The following TANC1 variants were observed in gnomAD, a reference collection of about 807,000 sequenced individuals.
TANC1 encodes the protein tetratricopeptide repeat, ankyrin repeat and coiled-coil containing 1.
In TANC1, 77 loss-of-function variants were observed where a neutral mutation model predicts 149.7. The observed-to-expected ratio is 0.51, with a 90% CI of 0.43 to 0.62. The LOEUF (loss-of-function observed/expected upper bound fraction) is 0.62, where lower values mean the gene tolerates loss of function less well. TANC1 is among the 20% of genes least tolerant of loss of function. TANC1 has a pLI of 0.00. For missense variants in TANC1, 1,985 were observed against 2,321.8 expected (o/e 0.85, Z 2.98); for synonymous variants, 854 against 925.0 (o/e 0.92, Z 1.39).
intron 2 of TANC1, among the ~76,000 whole-genome samples, chr2:159,050,057 C>T (rs982795510): frequency 1.3e-5 from 2 of 152,116 alleles, no homozygotes; most frequent in African/African-American, 2.4e-5. Flanking sequence ...CTTGGGAGTG[C>T]AGCATTTGTT....
intron 1 of TANC1, among the ~76,000 whole-genome samples, chr2:158,977,309 T>TA (rs1165275235): frequency 1.3e-5 from 2 of 151,526 alleles, no homozygotes; most frequent in African/African-American, 2.4e-5. Context: ...CTGGCTTAAT[T>TA]AAAAAAAAAT....
Position 159,150,544 on chromosome 2 carries a change from A to AGG in TANC1, c.671_672insGG (p.Ser224ArgfsTer5). 3 of 1,613,706 alleles carry AGG rather than the reference A, an allele frequency of 1.9e-6. No individual in the cohort carries two copies. Among genetic ancestry groups the AGG allele is most frequent in the Non-Finnish European group, 1.7e-6 (2 of 1,179,606 alleles). On this transcript the variant is annotated frameshift_variant, in exon 7 of 27. Transcript: ENST00000263635. LOFTEE classifies it high-confidence loss of function. ...TAGTTCCACCCTGGAAAGCAAGGAC[A>AGG]GTGGAATTATAGGTAAGAAGCACAC...
intron 19 of TANC1, among the ~76,000 whole-genome samples, chr2:159,216,118 A>G (rs1033482640): frequency 6.6e-6 from 1 of 152,064 alleles, no homozygotes; most frequent in Admixed American, 6.5e-5. Flanking sequence ...GCAGGGTGCA[A>G]GCTTTCCTGT....
chr2:159,225,606 C>T, intron 23 of TANC1, 82 bp from the exon 24 acceptor site: 1 of 1,115,818 alleles, frequency 9.0e-7, no homozygotes, highest in Non-Finnish European at 1.4e-6. Context: ...TGGTGCTGAC[C>T]TCCAGCCGTG....
rs1283407053 is a variant in TANC1 at position 159,041,307 on chromosome 2, T to C, written c.-15-24589T>C. Among the ~76,000 whole-genome samples the C allele has an allele frequency of 2.0e-5, 3 of 152,148 alleles. No homozygotes were observed. The East Asian group carries it at 5.8e-4, about 29-fold the overall frequency. ...AACACTGTACTGGGAGAACCACTGCTCTCTTCAGAGCTGTCAGACAGGGAC... is the reference window on the plus strand; with the variant it reads ...AACACTGTACTGGGAGAACCACTGCCCTCTTCAGAGCTGTCAGACAGGGAC... On this transcript the variant is annotated intron_variant, in intron 2 of 26. Transcript: ENST00000263635.
chr2:159,144,821 G>A (rs537025082), intron 5 of TANC1, among the ~76,000 whole-genome samples: 1 of 152,304 alleles, frequency 6.6e-6, no homozygotes, highest in South Asian at 2.1e-4. Flanking sequence ...AAGAGGATAA[G>A]TGAGAAGCAG....
intron 23 of TANC1, 81 bp downstream of exon 23, chr2:159,224,445 T>C (rs1284706761): frequency 6.6e-7 from 1 of 1,521,296 alleles, no homozygotes; most frequent in East Asian, 2.3e-5. Context: ...GAGAGTGACC[T>C]GCTCCCAGGT....
chr2:158,984,655 T>C (rs1201383111), intron 1 of TANC1, among the ~76,000 whole-genome samples: 1 of 151,772 alleles, frequency 6.6e-6, no homozygotes, highest in African/African-American at 2.4e-5. Context: ...TGCAAGGTGT[T>C]AGGGAGTGCA....
Position 159,149,243 on chromosome 2 carries a change from A to G in TANC1, c.466A>G (p.Ile156Val), listed in dbSNP as rs190424456. ...AGAAGGGATCCCAAGTGCCACACAC[A>G]TAACCATTGAAGACAAAAATGAAAC... ...LGEGIPSATH[I>V]TIEDKNETMC... The change falls in exon 6 of 27, where the codon ATA becomes GTA. Residue 156 changes from isoleucine (I) to valine (V), a missense_variant. This residue lies in a region of TANC1 where 557 missense variants were observed against 612.9 expected (regional missense o/e 0.91). Coordinates refer to ENST00000263635, the MANE Select transcript of TANC1 (RefSeq NM_033394.3). 74 of 1,614,238 alleles carry G rather than the reference A, an allele frequency of 4.6e-5. No homozygotes were observed. In the African/African-American group the frequency reaches 8.5e-4, roughly 19 times the overall value.
intron 8 of TANC1, among the ~76,000 whole-genome samples, chr2:159,165,887 T>A (rs2054555033): frequency 6.6e-6 from 1 of 152,254 alleles, no homozygotes; most frequent in South Asian, 2.1e-4. Context: ...CAGAAGTTCT[T>A]CCTAAGGTCC....
chr2:159,062,992 A>AAAAAAAAAAAAAAAAAAG (rs1559188236), intron 2 of TANC1, among the ~76,000 whole-genome samples: 2 of 147,414 alleles, frequency 1.4e-5, no homozygotes, highest in African/African-American at 2.5e-5. Flanking sequence ...AAAAAAAAAA[A>AAAAAAAAAAAAAAAAAAG]AAAGAAAGCA....
rs373966850 is a variant in TANC1, at chr2:159,163,508, C to T, written c.908C>T (p.Ser303Phe). 9 of 1,613,212 alleles carry T rather than the reference C, an allele frequency of 5.6e-6. No individual in the cohort carries two copies. The highest frequency in any genetic ancestry group is 5.3e-5 in the African/African-American group (4 of 75,024). Residue 303 changes from serine (S) to phenylalanine (F), a missense_variant, in exon 8 of 27, where the codon TCC (serine) becomes TTC (phenylalanine). By Grantham distance (155) the Ser-to-Phe change is radical (BLOSUM62 -2). Coordinates refer to ENST00000263635, the MANE Select transcript of TANC1 (RefSeq NM_033394.3). ...GGTCCAGTCCCTTATTCTCAGGGCT[C>T]CAGCTCACTAATAATGCCACGGCCC... is the stretch of plus-strand genomic sequence containing the variant. ...GDGPVPYSQG[S>F]SSLIMPRPNS... is the part of the protein sequence containing the mutation.
intron 13 of TANC1, 103 bp from the exon 14 acceptor site, chr2:159,178,453 A>C: frequency 7.3e-7 from 1 of 1,373,246 alleles, no homozygotes; most frequent in Non-Finnish European, 9.9e-7. Flanking sequence ...AATCCATGAA[A>C]ATCCTCCTTG....
intron 3 of TANC1, among the ~76,000 whole-genome samples, chr2:159,077,699 A>T (rs1047150792): frequency 6.6e-6 from 1 of 152,298 alleles, no homozygotes; most frequent in African/African-American, 2.4e-5. Flanking sequence ...TTGGGTAGTT[A>T]TAATTTATCT....
intron 4 of TANC1, among the ~76,000 whole-genome samples, chr2:159,129,246 C>T (rs190287355): frequency 6.6e-6 from 1 of 152,168 alleles, no homozygotes. Flanking sequence ...TAATCCCTGC[C>T]CTTCTCCCTT....
At position 159,185,812 on chromosome 2, in the gene TANC1, A is replaced by G; in HGVS notation, c.2532A>G (p.Ala844=). The G allele has an allele frequency of 6.2e-7, 1 of 1,614,084 alleles. No homozygotes were observed. Among genetic ancestry groups the G allele is most frequent in the Non-Finnish European group, 8.5e-7 (1 of 1,179,994 alleles). ...CTAGGAACGGGCACGCGCTCTTGGC[A>G]TTCATGTTCTCGCGTCAGGAGGGCA... is the stretch of plus-strand genomic sequence containing the variant. ...CEPRNGHALL[A]FMFSRQEGKL... The change falls in exon 15 of 27, where the codon GCA becomes GCG. Residue 844 remains alanine, a synonymous_variant. Coordinates refer to ENST00000263635, the MANE Select transcript of TANC1 (RefSeq NM_033394.3).
chr2:159,139,932 G>A (rs1235302013), intron 5 of TANC1, among the ~76,000 whole-genome samples: 2 of 152,088 alleles, frequency 1.3e-5, no homozygotes, highest in African/African-American at 4.8e-5. Context: ...GAGGTATAAA[G>A]CATAAAGGGG....
intron 1 of TANC1, among the ~76,000 whole-genome samples, chr2:158,987,057 T>A (rs1309729076): frequency 1.4e-4 from 20 of 141,976 alleles, no homozygotes; most frequent in African/African-American, 4.4e-4. Flanking sequence ...AAAAAAAAAA[T>A]ACAAAAATTG....
Position 159,188,625 on chromosome 2 carries a change from C to T in TANC1, c.2742+1601C>T, listed in dbSNP as rs113826881. 2.6e-5 allele frequency among the ~76,000 whole-genome samples: 4 copies of T among 152,218 alleles called. 1 individual carries two copies. Among genetic ancestry groups the T allele is most frequent in the African/African-American group, 9.6e-5 (4 of 41,460 alleles). On this transcript the variant is annotated intron_variant, in intron 16 of 26. Coordinates refer to ENST00000263635, the MANE Select transcript of TANC1 (RefSeq NM_033394.3). ...GGCCTTTGGCCCAACTTCCCTTGGC[C>T]GGGAGATCCAGTCATATCCTACATC...
Sources: gnomAD v4.1 joint callset for allele counts (sites outside exome capture counted in the v4.1 genomes callset) on GRCh38, gnomAD v4.1.1 for gene constraint, gnomAD v4.1.1 regional missense constraint, MANE v1.5 for transcripts, NCBI Gene and HGNC (gene_info 2026-07-23, HGNC 2026-07-21) for gene names.